Variants in STXBP3 observed in about 807,000 individuals in gnomAD.
STXBP3 encodes syntaxin binding protein 3.
In STXBP3, 41 loss-of-function variants were observed where a neutral mutation model predicts 85.7. That is an observed-to-expected ratio of 0.48 (90% CI 0.37 to 0.62). STXBP3 has a LOEUF of 0.62. Ranked by LOEUF, STXBP3 falls within the 20% of genes least tolerant of loss-of-function variation. The pLI, the probability that STXBP3 is intolerant of heterozygous loss-of-function variation, is 0.00. For missense variants in STXBP3, 563 were observed against 703.1 expected (o/e 0.80, Z 2.25); for synonymous variants, 229 against 231.7 (o/e 0.99, Z 0.10).
intron 15 of STXBP3, among the ~76,000 whole-genome samples, chr1:108,797,017 A>G (rs1003614979): frequency 1.3e-5 from 2 of 152,136 alleles, no homozygotes; most frequent in African/African-American, 4.8e-5. Flanking sequence ...ACCTTTAACT[A>G]TAATATGGCA....
intron 11 of STXBP3, among the ~76,000 whole-genome samples, chr1:108,789,420 T>C (rs1013563818): frequency 1.3e-5 from 2 of 152,170 alleles, no homozygotes; most frequent in African/African-American, 4.8e-5. Context: ...AGCCAAAATA[T>C]CGGACACCCC....
intron 3 of STXBP3, among the ~76,000 whole-genome samples, chr1:108,755,453 ATAAAT>A (rs1441369297): frequency 1.4e-5 from 2 of 144,768 alleles, no homozygotes; most frequent in African/African-American, 2.9e-5. Context: ...TTTCAAAAAA[ATAAAT>A]AAAAAGTAAA....
At chr1:108,783,827 T>C (rs1362597993) in intron 11 of STXBP3, among the ~76,000 whole-genome samples, 1 of 152,220 alleles carries the variant, frequency 6.6e-6, no homozygotes, top group African/African-American at 2.4e-5. Context: ...ACACTTGATA[T>C]ATTCTTGTCT....
In STXBP3 at chr1:108,746,877, G is replaced by C. The variant is rs2101097968; in HGVS notation, c.49+91G>C. 6.9e-6 allele frequency: 9 copies of C among 1,310,430 alleles called. No individual in the cohort carries two copies. In the South Asian group the frequency reaches 1.1e-4, roughly 17 times the overall value. 81.2% of individuals were successfully genotyped at this position (1,310,430 alleles called of 1,614,324 possible). A position where few individuals can be genotyped will look rare whatever the true frequency, so the allele number is the denominator to read the frequency against. ...TGCAGCCCCAACCCAGCGGTCTGTT[G>C]AGGAGCCGCCGCGAGCACTTGTTGC... On this transcript the variant is annotated intron_variant, in intron 1 of 18. Coordinates refer to ENST00000370008, the MANE Select transcript of STXBP3 (RefSeq NM_007269.4).
Position 108,753,051 on chromosome 1 carries a change from GTTTGT to G in STXBP3, c.100-8_100-4del, listed in dbSNP as rs1480786195. On this transcript the variant is annotated splice_region_variant and splice_polypyrimidine_tract_variant and intron_variant, in intron 2 of 18. Coordinates refer to ENST00000370008, the MANE Select transcript of STXBP3 (RefSeq NM_007269.4). ...ATGCTTACAGTATTTTTAAATTTGT[GTTTGT>G]TTTAAGATAATGCTTTTAGATGAAT... is the stretch of plus-strand genomic sequence containing the variant. 1.3e-6 allele frequency: 2 copies of G among 1,538,068 alleles called. No individual in the cohort carries two copies. Among genetic ancestry groups the G allele is most frequent in the Non-Finnish European group, 1.7e-6 (2 of 1,145,610 alleles).
chr1:108,749,049 A>G (rs1661852146), intron 1 of STXBP3, among the ~76,000 whole-genome samples: 1 of 152,174 alleles, frequency 6.6e-6, no homozygotes, highest in South Asian at 2.1e-4. Context: ...TGAAAAATGG[A>G]TTGAAATAGC....
chr1:108,767,823 G>C (rs1662300336), intron 6 of STXBP3, among the ~76,000 whole-genome samples: 1 of 152,000 alleles, frequency 6.6e-6, no homozygotes, highest in African/African-American at 2.4e-5. Flanking sequence ...CTGAGCTCAA[G>C]CAATCCTCCT....
chr1:108,756,923 A>G, intron 4 of STXBP3, 157 bp downstream of exon 4: 1 of 426,422 alleles, frequency 2.3e-6, no homozygotes, highest in South Asian at 6.8e-5. Context: ...TTAGAAGATT[A>G]TTTGCATTCT....
intron 6 of STXBP3, among the ~76,000 whole-genome samples, chr1:108,761,830 G>C (rs1373561668): frequency 3.9e-5 from 6 of 151,990 alleles, no homozygotes; most frequent in African/African-American, 1.5e-4. Context: ...AAAATTAGCT[G>C]GGCATGGTGA....
At chr1:108,772,430 T>C (rs1381389805) in intron 6 of STXBP3, among the ~76,000 whole-genome samples, 1 of 133,404 alleles carries the variant, frequency 7.5e-6, no homozygotes. Context: ...TATAAATACA[T>C]ATGATATCTA....
chr1:108,794,001 C>T (rs1051566647), intron 12 of STXBP3, among the ~76,000 whole-genome samples: 2 of 152,150 alleles, frequency 1.3e-5, no homozygotes, highest in African/African-American at 4.8e-5. Flanking sequence ...GATTTAAGAG[C>T]ATTTAAGCTG....
chr1:108,805,214 C>G (rs770224526), intron 17 of STXBP3, among the ~76,000 whole-genome samples: 22 of 152,140 alleles, frequency 1.4e-4, no homozygotes, highest in Non-Finnish European at 1.9e-4. Flanking sequence ...CCTTCTTACT[C>G]TATTTCTCTC....
At chr1:108,781,156 CAA>C (rs972291203) in intron 9 of STXBP3, 93 of 152,284 alleles carry the variant, frequency 6.1e-4, no homozygotes, top group African/African-American at 2.2e-3. Flanking sequence ...TTTTAAATGA[CAA>C]AAGGGCTTTC....
At chr1:108,773,060 A>G (rs1662503595) in intron 7 of STXBP3, among the ~76,000 whole-genome samples, 1 of 152,154 alleles carries the variant, frequency 6.6e-6, no homozygotes, top group Non-Finnish European at 1.5e-5. Flanking sequence ...TCATCAGTTT[A>G]AAGAACGCTT....
chr1:108,755,100 G>A (rs1043844637), intron 3 of STXBP3, among the ~76,000 whole-genome samples: 2 of 152,040 alleles, frequency 1.3e-5, no homozygotes, highest in Non-Finnish European at 2.9e-5. Flanking sequence ...AAAATGCTCT[G>A]TCAGGATTTG....
chr1:108,793,157 A>ACT (rs1663012214), intron 11 of STXBP3, among the ~76,000 whole-genome samples: 1 of 67,510 alleles, frequency 1.5e-5, no homozygotes, highest in East Asian at 4.6e-4. Flanking sequence ...TCTTATCTCC[A>ACT]TTTTTTTTTT....
At chr1:108,806,055 A>G (rs1478962453) in intron 17 of STXBP3, among the ~76,000 whole-genome samples, 1 of 152,252 alleles carries the variant, frequency 6.6e-6, no homozygotes, top group African/African-American at 2.4e-5. Flanking sequence ...AATATATACT[A>G]GTACACATAT....
intron 11 of STXBP3, among the ~76,000 whole-genome samples, chr1:108,789,443 T>C (rs187712177): frequency 3.9e-5 from 6 of 152,326 alleles, no homozygotes; most frequent in Admixed American, 1.3e-4. Flanking sequence ...GTTTAAATTT[T>C]TTCTTCTAGC....
rs1662841890 is a variant in STXBP3 at position 108,786,914 on chromosome 1, G to A, written c.963+4208G>A. ...TTCTGATCCAAGAACATAGAATATAGCTCCACTTATGTAGATAGTTTATCT... is the reference window on the plus strand; with the variant it reads ...TTCTGATCCAAGAACATAGAATATAACTCCACTTATGTAGATAGTTTATCT... On this transcript the variant is annotated intron_variant, in intron 11 of 18. Coordinates refer to ENST00000370008, the MANE Select transcript of STXBP3 (RefSeq NM_007269.4). Among the ~76,000 whole-genome samples the A allele has an allele frequency of 2.0e-5, 3 of 152,128 alleles. 1 individual carries two copies. The highest frequency in any genetic ancestry group is 7.2e-5 in the African/African-American group (3 of 41,424).
Sources: gnomAD v4.1 joint callset for allele counts (sites outside exome capture counted in the v4.1 genomes callset) on GRCh38, gnomAD v4.1.1 for gene constraint, MANE v1.5 for transcripts, NCBI Gene and HGNC (gene_info 2026-07-23, HGNC 2026-07-21) for gene names.